Variants in CLEC20A observed in about 807,000 individuals in gnomAD.
CLEC20A encodes putative C-type lectin domain family 20 member A.
At chr1:178,482,082 C>CAAAAAAAAAAAA (rs1297176109) in intron 7 of CLEC20A, 1 of 354,176 alleles carries the variant, frequency 2.8e-6, no homozygotes, top group African/African-American at 2.6e-5. Flanking sequence ...AACAAAAAAA[C>CAAAAAAAAAAAA]AAAAAAACAA....
Position 178,483,294 on chromosome 1 carries a change from GA to G in CLEC20A, c.929-13del. 5.0e-6 allele frequency: 2 copies of G among 398,610 alleles called. No homozygotes were observed. Among genetic ancestry groups the G allele is most frequent in the Non-Finnish European group, 8.8e-6 (2 of 226,068 alleles). The allele number at this position is 398,610 out of a possible 1,614,324, so 24.7% of individuals were successfully genotyped here. On this transcript the variant is annotated splice_polypyrimidine_tract_variant and intron_variant, in intron 5 of 7. Transcript: ENST00000623247. ...TACACTGGCCACAGCTACAGGAGGG[GA>G]AAATAAAAGATTTATTGCAAATACA...
rs751241596 is a variant in CLEC20A, at chr1:178,479,827, CAAAG to C, written c.1123-216_1123-213del. The C allele has an allele frequency of 3.7e-5, 12 of 322,074 alleles. No individual in the cohort carries two copies. In the East Asian group the frequency reaches 4.5e-4, roughly 12 times the overall value. The allele number at this position is 322,074 out of a possible 1,614,324, so 20.0% of individuals were successfully genotyped here. ...GTTAGCAAAAAAAAAAATTTAATGA[CAAAG>C]AACACTAAAACAGATGACTAAATCA... On this transcript the variant is annotated intron_variant, in intron 7 of 7. Coordinates refer to ENST00000623247, the Ensembl canonical transcript of CLEC20A.
chr1:178,499,435 T>G (rs1558031225), upstream of CLEC20A: 1 of 152,172 alleles, frequency 6.6e-6, no homozygotes, highest in Admixed American at 6.5e-5. Flanking sequence ...AGACACACCC[T>G]CAATCTGGGT....
chr1:178,483,254 A>C (rs557981418), exon 6 of CLEC20A: 2 of 398,548 alleles, frequency 5.0e-6, no homozygotes, highest in East Asian at 7.1e-5. Context: ...TATCTCTTCT[A>C]TCAGTGCCAC....
intron 7 of CLEC20A, chr1:178,481,343 A>G (rs1648979554): frequency 1.3e-5 from 2 of 152,336 alleles, no homozygotes; most frequent in South Asian, 4.1e-4. Context: ...ATGAATTCCC[A>G]GGGTGATATT....
At chr1:178,494,730 G>C in exon 2 of CLEC20A, 1 of 399,248 alleles carries the variant, frequency 2.5e-6, no homozygotes, top group Non-Finnish European at 4.4e-6. Context: ...TAGTGCAGCC[G>C]GCAGTGCTGC....
intron 1 of CLEC20A, among the ~76,000 whole-genome samples, chr1:178,495,012 C>T (rs1423837323): frequency 1.3e-5 from 2 of 152,214 alleles, no homozygotes; most frequent in Admixed American, 6.5e-5. Context: ...CCGGCCACCT[C>T]CTCCAGCTCC....
At chr1:178,496,827 C>T (rs2101880685) in intron 1 of CLEC20A, 73 bp downstream of exon 1, 2 of 398,722 alleles carry the variant, frequency 5.0e-6, no homozygotes, top group Admixed American at 4.4e-5. Context: ...TTCAGGGGTG[C>T]GCCCCCTTCC....
chr1:178,498,690 T>C (rs1649456152), upstream of CLEC20A, among the ~76,000 whole-genome samples: 1 of 152,198 alleles, frequency 6.6e-6, no homozygotes, highest in African/African-American at 2.4e-5. Flanking sequence ...GTGTTCTCTC[T>C]CTCTCTACAC....
exon 1 of CLEC20A, chr1:178,496,901 T>C (rs943965054): frequency 2.5e-6 from 1 of 398,782 alleles, no homozygotes. Flanking sequence ...GGGCCTCACC[T>C]GCTGCGCAGA....
chr1:178,481,217 A>G (rs950420030), intron 7 of CLEC20A: 2 of 152,202 alleles, frequency 1.3e-5, no homozygotes, highest in African/African-American at 2.4e-5. Context: ...TAATTTGTAA[A>G]TTGTGTGCTA....
upstream of CLEC20A, among the ~76,000 whole-genome samples, chr1:178,497,861 G>T (rs967272756): frequency 6.6e-6 from 1 of 152,102 alleles, no homozygotes; most frequent in Non-Finnish European, 1.5e-5. Flanking sequence ...GGCTGCTGGG[G>T]GAGAAAGAGA....
At chr1:178,487,274 G>A (rs550228968) in intron 5 of CLEC20A, among the ~76,000 whole-genome samples, 8 of 152,324 alleles carry the variant, frequency 5.3e-5, no homozygotes, top group Admixed American at 3.9e-4. Flanking sequence ...CCAGGCAGGT[G>A]CCAGGATAGA....
intron 3 of CLEC20A, among the ~76,000 whole-genome samples, chr1:178,491,582 G>C (rs577713297): frequency 6.6e-6 from 1 of 152,160 alleles, no homozygotes; most frequent in Non-Finnish European, 1.5e-5. Context: ...ATGAGGAAAA[G>C]GAGGCTCAGG....
At chr1:178,488,651 T>A (rs1281913432) in intron 4 of CLEC20A, 52 bp from the exon 5 acceptor site, 2 of 398,646 alleles carry the variant, frequency 5.0e-6, no homozygotes, top group Non-Finnish European at 8.8e-6. Context: ...ACCCAGCAGG[T>A]GAGTGGCCAC....
chr1:178,496,639 C>G (rs748182599), intron 1 of CLEC20A: 2 of 390,326 alleles, frequency 5.1e-6, no homozygotes, highest in Admixed American at 4.4e-5. Context: ...GTCTTAGCCC[C>G]GCTAGAAAGA....
At chr1:178,495,340 C>T (rs566844993) in intron 1 of CLEC20A, among the ~76,000 whole-genome samples, 4 of 152,332 alleles carry the variant, frequency 2.6e-5, no homozygotes, top group East Asian at 1.9e-4. Context: ...ACTCAAGTAC[C>T]CTGGGCAGGC....
chr1:178,484,099 A>G (rs1649068556), intron 5 of CLEC20A: 1 of 152,214 alleles, frequency 6.6e-6, no homozygotes. Context: ...TTCAGTGGAC[A>G]TTACGTTGTT....
At chr1:178,497,378 A>G (rs1649424392), upstream of CLEC20A, among the ~76,000 whole-genome samples, 1 of 152,222 alleles carries the variant, frequency 6.6e-6, no homozygotes, top group South Asian at 2.1e-4. Flanking sequence ...CTGGCTGTGT[A>G]GAAACTGGCT....
Sources: gnomAD v4.1 joint callset for allele counts (sites outside exome capture counted in the v4.1 genomes callset) on GRCh38, gnomAD v4.1.1 for gene constraint, MANE v1.5 for transcripts, NCBI Gene and HGNC (gene_info 2026-07-23, HGNC 2026-07-21) for gene names.